The following CHD1L variants were observed in gnomAD, a reference collection of about 807,000 sequenced individuals.
CHD1L encodes ATP-dependent chromatin remodeler CHD1L.
CHD1L carries 118 observed loss-of-function variants against 115.9 expected under a neutral mutation model. That is an observed-to-expected ratio of 1.02 (90% CI 0.88 to 1.19). CHD1L has a LOEUF of 1.19. CHD1L is among the 50% of genes most tolerant of loss of function. The pLI is 0.00. For missense variants in CHD1L, 1,179 were observed against 1,065.3 expected (o/e 1.11, Z -1.49); for synonymous variants, 411 against 387.1 (o/e 1.06, Z -0.72).
intron 19 of CHD1L, among the ~76,000 whole-genome samples, chr1:147,290,428 G>C (rs75665480): frequency 0.016 from 2,436 of 152,162 alleles, 73 homozygotes; most frequent in African/African-American, 0.057. Flanking sequence ...TACTTTTTTT[G>C]AATCAGTTAT....
the CHD1L span, chr1:147,178,880 A>G: frequency 4.4e-6 from 7 of 1,575,116 alleles, no homozygotes; most frequent in African/African-American, 8.1e-5. Context: ...GATTTGATAC[A>G]GGGCAAGGAC....
At chr1:147,189,605 G>T in the CHD1L span, among the ~76,000 whole-genome samples, 4 of 152,120 alleles carry the variant, frequency 2.6e-5, no homozygotes, top group African/African-American at 9.7e-5. Context: ...CCCAGCGATT[G>T]AGCTTAAGTT....
At chr1:147,222,198 C>T in the CHD1L span, among the ~76,000 whole-genome samples, 2 of 152,142 alleles carry the variant, frequency 1.3e-5, no homozygotes, top group African/African-American at 4.8e-5. Flanking sequence ...GGTGAAACCC[C>T]ATCTTTACTA....
chr1:147,194,692 G>A, the CHD1L span, among the ~76,000 whole-genome samples: 1 of 152,010 alleles, frequency 6.6e-6, no homozygotes, highest in Admixed American at 6.6e-5. Flanking sequence ...AGCTCTTTTA[G>A]AGCAGGCCTG....
At chr1:147,220,569 C>A in the CHD1L span, among the ~76,000 whole-genome samples, 1 of 152,172 alleles carries the variant, frequency 6.6e-6, no homozygotes, top group African/African-American at 2.4e-5. Context: ...AAAGGAGCAA[C>A]TTTACAGTGT....
At chr1:147,208,698 CAGAGTGCTGGGATT>C in the CHD1L span, 4 of 595,394 alleles carry the variant, frequency 6.7e-6, no homozygotes, top group Non-Finnish European at 8.9e-6. Context: ...CTCCGCCTCC[CAGAGTGCTGGGATT>C]ACAGGCGTGA....
Position 147,295,543 on chromosome 1 carries a change from A to G in CHD1L, c.*34A>G, listed in dbSNP as rs782257705. ...CCAGCCTCAGATCCTGTCTTTAGCA[A>G]CCAGCTAATATTTACCCAGAGGTAC... On this transcript the variant is annotated 3_prime_UTR_variant, in exon 23 of 23. Coordinates refer to ENST00000369258, the MANE Select transcript of CHD1L (RefSeq NM_004284.6). The G allele has an allele frequency of 1.4e-6, 2 of 1,464,052 alleles. No individual in the cohort carries two copies. The highest frequency in any genetic ancestry group is 1.1e-5 in the South Asian group (1 of 87,072). 90.7% of individuals were successfully genotyped at this position (1,464,052 alleles called of 1,614,324 possible).
In CHD1L at chr1:147,270,937, A is replaced by C; in HGVS notation, c.1091A>C (p.His364Pro). 1 of 1,613,994 alleles carries C rather than the reference A, an allele frequency of 6.2e-7. No homozygotes were observed. Among genetic ancestry groups the C allele is most frequent in the Non-Finnish European group, 8.5e-7 (1 of 1,179,924 alleles). The change falls in exon 11 of 23, where the codon CAT (histidine) becomes CCT (proline). Residue 364 changes from histidine (H) to proline (P), a missense_variant. By Grantham distance (77) the His-to-Pro change is moderately conservative. Coordinates refer to ENST00000369258, the MANE Select transcript of CHD1L (RefSeq NM_004284.6). ...CCTTTTCTTTTTCTTGCCAGGGGCCATCGGGTTTTACTTTTCTCCCAAATG... is the reference window on the plus strand; with the variant it reads ...CCTTTTCTTTTTCTTGCCAGGGGCCCTCGGGTTTTACTTTTCTCCCAAATG... Reference protein sequence around the residue: ...KLLAFLYSGGHRVLLFSQMTQ... With the variant: ...KLLAFLYSGGPRVLLFSQMTQ...
At chr1:147,186,307 GA>G in the CHD1L span, 1 of 982,210 alleles carries the variant, frequency 1.0e-6, no homozygotes, top group Non-Finnish European at 1.2e-6. Flanking sequence ...GGTTCCTAAG[GA>G]AAAGGGCTAA....
At chr1:147,233,006 A>G in the CHD1L span, among the ~76,000 whole-genome samples, 6 of 150,982 alleles carry the variant, frequency 4.0e-5, no homozygotes, top group East Asian at 1.2e-3. Context: ...CCCAGTCTGG[A>G]AAGTGAGGAG....
intron 9 of CHD1L, among the ~76,000 whole-genome samples, chr1:147,268,168 A>G (rs1674698096): frequency 6.6e-6 from 1 of 152,148 alleles, no homozygotes; most frequent in Admixed American, 6.5e-5. Flanking sequence ...TACAGACCTC[A>G]GTAAATTTTC....
At chr1:147,175,070 A>C in the CHD1L span, 1 of 152,332 alleles carries the variant, frequency 6.6e-6, no homozygotes, top group East Asian at 1.9e-4. Flanking sequence ...GGGCATCTGG[A>C]GGTTTATATT....
chr1:147,266,437 C>T (rs781884263), intron 8 of CHD1L, among the ~76,000 whole-genome samples: 1 of 150,438 alleles, frequency 6.6e-6, no homozygotes, highest in Non-Finnish European at 1.5e-5. Context: ...TTCAGTTCTG[C>T]ACTGAACTGC....
intron 5 of CHD1L, among the ~76,000 whole-genome samples, chr1:147,258,558 C>T (rs1670864935): frequency 6.6e-6 from 1 of 152,188 alleles, no homozygotes; most frequent in South Asian, 2.1e-4. Context: ...TCATGCCACC[C>T]AACCTTCTCC....
chr1:147,184,596 A>G, the CHD1L span: 5 of 1,548,508 alleles, frequency 3.2e-6, no homozygotes, highest in Non-Finnish European at 3.5e-6. This position sits in a 1 kb window ranked among gnomAD's most constrained non-coding sequence, Gnocchi z 4.4. Flanking sequence ...ATATTCTTCA[A>G]CTTGGGTTTG....
At chr1:147,185,570 TAAG>T in the CHD1L span, among the ~76,000 whole-genome samples, 14 of 152,298 alleles carry the variant, frequency 9.2e-5, no homozygotes, top group South Asian at 2.1e-4. Context: ...AATGTTTAAA[TAAG>T]AAGAAGTTGT....
chr1:147,285,212 C>T, intron 16 of CHD1L, 112 bp from the exon 17 acceptor site: 2 of 1,201,872 alleles, frequency 1.7e-6, no homozygotes, highest in East Asian at 4.8e-5. Flanking sequence ...TGTGGAGATG[C>T]AGTGTTCTGT....
chr1:147,285,556 T>C, intron 17 of CHD1L, 69 bp downstream of exon 17: 1 of 1,430,744 alleles, frequency 7.0e-7, no homozygotes, highest in Non-Finnish European at 9.4e-7. Context: ...AGACCACAGT[T>C]GAATATCACT....
In CHD1L at chr1:147,256,552, T is replaced by G; in HGVS notation, c.484T>G (p.Phe162Val). 1 of 1,613,600 alleles carries G rather than the reference T, an allele frequency of 6.2e-7. No individual in the cohort carries two copies. The highest frequency in any genetic ancestry group is 8.5e-7 in the Non-Finnish European group (1 of 1,179,528). Residue 162 changes from phenylalanine (F) to valine (V), a missense_variant, in exon 5 of 23, where the codon TTT (phenylalanine) becomes GTT (valine). Transcript: ENST00000369258. ...TCAGATTTGCTTGAAAGATGCATCA[T>G]TTCTAAAATCGTGAGTAGGTTGTAC... ...TYEICLKDAS[F>V]LKSFPWSVLV...
Sources: allele counts gnomAD v4.1 joint callset (sites outside exome capture counted in the v4.1 genomes callset), GRCh38; gene constraint gnomAD v4.1.1; non-coding constraint Gnocchi (gnomAD v3.1); transcripts MANE v1.5; gene names NCBI Gene and HGNC (gene_info 2026-07-23, HGNC 2026-07-21).